The following RRM1 variants were observed in gnomAD, a reference collection of about 807,000 sequenced individuals.
RRM1 encodes the protein ribonucleotide reductase catalytic subunit M1.
A neutral mutation model predicts 101.5 loss-of-function variants in RRM1; 19 were observed. The observed-to-expected ratio is 0.19, with a 90% confidence interval of 0.13 to 0.27. RRM1 has a LOEUF of 0.27. RRM1 is among the 10% of genes least tolerant of loss of function. The pLI, the probability that RRM1 is intolerant of heterozygous loss-of-function variation, is 1.00. For missense variants in RRM1, 500 were observed against 962.9 expected (o/e 0.52, Z 6.36); for synonymous variants, 298 against 323.4 (o/e 0.92, Z 0.84).
intron 5 of RRM1, among the ~76,000 whole-genome samples, chr11:4,111,397 C>T (rs1322722241): frequency 1.4e-5 from 2 of 140,858 alleles, no homozygotes; most frequent in Non-Finnish European, 3.0e-5. Flanking sequence ...GGCGACAGAG[C>T]GAGACTCTGT....
At chr11:4,120,864 C>A (rs1441420954) in intron 9 of RRM1, among the ~76,000 whole-genome samples, 4 of 152,104 alleles carry the variant, frequency 2.6e-5, no homozygotes, top group Non-Finnish European at 5.9e-5. Context: ...ACAAAAAATA[C>A]AAAAATTAAC....
At chr11:4,109,786 T>C in intron 5 of RRM1, 83 bp downstream of exon 5, 5 of 1,174,526 alleles carry the variant, frequency 4.3e-6, no homozygotes, top group Non-Finnish European at 6.2e-6. Context: ...GTGACAGTTA[T>C]CAAGGCCATA....
In RRM1 at chr11:4,107,084, G is replaced by A. The variant is rs868242008; in HGVS notation, c.287-351G>A. 3.9e-5 allele frequency among the ~76,000 whole-genome samples: 6 copies of A among 151,966 alleles called. 1 individual carries two copies. In the Middle Eastern group the frequency reaches 0.017, roughly 431 times the overall value. ...AATTTTTTGTATTTTTAGTAGAGAC[G>A]GGTTTCACCGTGTTAGCCAGGATGG... On this transcript the variant is annotated intron_variant, in intron 3 of 18. Transcript: ENST00000300738.
At position 4,132,440 on chromosome 11, in the gene RRM1, G is replaced by T. The variant is rs1459022295; in HGVS notation, c.1905+19G>T. 22 of 1,612,426 alleles carry T rather than the reference G, an allele frequency of 1.4e-5. No individual in the cohort carries two copies. Among genetic ancestry groups the T allele is most frequent in the Non-Finnish European group, 1.6e-5 (19 of 1,179,142 alleles). ...ATTTCAGGTGAGCAGTTCACAACCA[G>T]CCTTACAGGGAGATCTTTCAAAAGC... On this transcript the variant is annotated intron_variant, in intron 16 of 18. Transcript: ENST00000300738. The surrounding 1 kb of genome is among the most constrained non-coding windows in gnomAD (Gnocchi z 4.1).
chr11:4,121,738 C>T lies in RRM1; in HGVS notation c.1011C>T (p.Leu337=). The change falls in exon 10 of 19, where the codon CTC becomes CTT. Residue 337 remains leucine, a synonymous_variant. Coordinates refer to ENST00000300738, the MANE Select transcript of RRM1 (RefSeq NM_001033.5). The part of the protein sequence containing the change: ...DLFFALWIPD[L]FMKRVETNQD... Reference sequence around the variant, plus strand: ...TCTTTGCTCTTTGGATTCCGGATCTCTTCATGAAACGAGTGGAGACTAATC... The same window carrying T: ...TCTTTGCTCTTTGGATTCCGGATCTTTTCATGAAACGAGTGGAGACTAATC... 6.2e-7 allele frequency: 1 copy of T among 1,612,498 alleles called. No homozygotes were observed. Among genetic ancestry groups the T allele is most frequent in the Non-Finnish European group, 8.5e-7 (1 of 1,179,480 alleles).
At chr11:4,133,512 A>C in intron 16 of RRM1, 51 bp from the exon 17 acceptor site, 1 of 1,130,036 alleles carries the variant, frequency 8.8e-7, no homozygotes, top group Non-Finnish European at 1.3e-6. Context: ...AGTCTTTTCT[A>C]AGCAGTCACT....
chr11:4,102,983 T>A (rs2094553562), intron 2 of RRM1, among the ~76,000 whole-genome samples: 1 of 152,348 alleles, frequency 6.6e-6, no homozygotes, highest in East Asian at 1.9e-4. Flanking sequence ...TGATCTTCCT[T>A]AAATGAGAAT....
chr11:4,106,747 CATAA>C lies in RRM1; in HGVS notation c.286+548_286+551del, dbSNP rs528821128. Reference sequence around the variant, plus strand: ...TGGGCAACAGAGTGAGACTCCGTCTCATAAATAAATAAATAAATAAATAAATAGC... The same window carrying C: ...TGGGCAACAGAGTGAGACTCCGTCTCATAAATAAATAAATAAATAAATAGC... On this transcript the variant is annotated intron_variant, in intron 3 of 18. Coordinates refer to ENST00000300738, the MANE Select transcript of RRM1 (RefSeq NM_001033.5). 3.2e-3 allele frequency among the ~76,000 whole-genome samples: 479 copies of C among 151,720 alleles called. 3 individuals are homozygous for C. Among genetic ancestry groups the C allele is most frequent in the South Asian group, 0.017 (83 of 4,794 alleles).
At chr11:4,121,077 G>A (rs888841886) in intron 9 of RRM1, among the ~76,000 whole-genome samples, 6 of 152,178 alleles carry the variant, frequency 3.9e-5, no homozygotes, top group South Asian at 2.1e-4. Flanking sequence ...AAACAGTAAA[G>A]TTGAGAGAAT....
At chr11:4,111,773 ATTGTCC>A (rs1490337087) in intron 6 of RRM1, 121 bp from the exon 7 acceptor site, 2 of 1,193,238 alleles carry the variant, frequency 1.7e-6, no homozygotes, top group African/African-American at 1.5e-5. Flanking sequence ...TTTGTGGATA[ATTGTCC>A]TGTTTATTAG....
intron 4 of RRM1, among the ~76,000 whole-genome samples, chr11:4,108,761 T>C (rs2094561697): frequency 6.6e-6 from 1 of 152,164 alleles, no homozygotes; most frequent in Non-Finnish European, 1.5e-5. Flanking sequence ...CAGCAAAACC[T>C]GTGTCTAAAA....
At chr11:4,115,655 C>G (rs572854327) in intron 7 of RRM1, among the ~76,000 whole-genome samples, 1 of 152,208 alleles carries the variant, frequency 6.6e-6, no homozygotes. Context: ...CTCCCGGGTT[C>G]AAGCAATTCT....
intron 11 of RRM1, 141 bp downstream of exon 11, chr11:4,122,361 G>C: frequency 1.7e-6 from 1 of 585,664 alleles, no homozygotes; most frequent in Non-Finnish European, 2.9e-6. Flanking sequence ...GGTCAGATTT[G>C]CTTCCTGACT....
At chr11:4,095,802 T>G (rs2094542803) in intron 1 of RRM1, among the ~76,000 whole-genome samples, 1 of 152,094 alleles carries the variant, frequency 6.6e-6, no homozygotes. Flanking sequence ...CTTTGTGAGA[T>G]TGTAGGAGGA....
chr11:4,105,077 C>T (rs2094556460), intron 2 of RRM1, among the ~76,000 whole-genome samples: 1 of 151,612 alleles, frequency 6.6e-6, no homozygotes, highest in Non-Finnish European at 1.5e-5. Flanking sequence ...TGAGACTAAT[C>T]GATTTAAAGG....
At chr11:4,125,694 T>G (rs930634556) in intron 12 of RRM1, among the ~76,000 whole-genome samples, 3 of 152,204 alleles carry the variant, frequency 2.0e-5, no homozygotes, top group Non-Finnish European at 4.4e-5. Flanking sequence ...AGTTCTTTGT[T>G]CATATGTAAC....
intron 10 of RRM1, 174 bp from the exon 11 acceptor site, chr11:4,121,967 G>T: frequency 1.5e-6 from 1 of 664,956 alleles, no homozygotes. Flanking sequence ...ATGCTTAAAA[G>T]GTCATGTATA....
At chr11:4,095,163 G>T (rs1228350643) in intron 1 of RRM1, 132 bp downstream of exon 1, 11 of 1,041,296 alleles carry the variant, frequency 1.1e-5, no homozygotes, top group Admixed American at 4.3e-5. Flanking sequence ...GCGGCCTTCC[G>T]CCCTGTCAGC....
At chr11:4,098,153 A>G (rs376119095) in intron 1 of RRM1, among the ~76,000 whole-genome samples, 1 of 152,264 alleles carries the variant, frequency 6.6e-6, no homozygotes, top group African/African-American at 2.4e-5. Flanking sequence ...AACATTTTAC[A>G]GACATGTGTA....
Sources: allele counts gnomAD v4.1 joint callset (sites outside exome capture counted in the v4.1 genomes callset), GRCh38; gene constraint gnomAD v4.1.1; non-coding constraint Gnocchi (gnomAD v3.1); transcripts MANE v1.5; gene names NCBI Gene and HGNC (gene_info 2026-07-23, HGNC 2026-07-21).